Variants in ZNF808 observed in about 807,000 individuals in gnomAD.
The protein encoded by ZNF808 is zinc finger protein 808.
In ZNF808, 5 loss-of-function variants were observed where a neutral mutation model predicts 8.7. The ratio of observed to expected loss-of-function variants is 0.58; its 90% CI spans 0.30 to 1.21. The LOEUF (loss-of-function observed/expected upper bound fraction) is 1.21. Ranked by LOEUF, ZNF808 falls within the 50% of genes most tolerant of loss-of-function variation. The probability of loss-of-function intolerance (pLI) is 0.07; values close to 1 mark genes in which losing one functional copy is unlikely to be tolerated. For synonymous variants in ZNF808, 380 were observed against 366.0 expected (o/e 1.04, Z -0.44); for missense variants, 1,103 against 1,098.4 (o/e 1.00, Z -0.06).
At chr19:52,564,433 A>T (rs1001071699) in exon 4 of ZNF808, 5 of 280,664 alleles carry the variant, frequency 1.8e-5, no homozygotes, top group South Asian at 7.4e-5. Context: ...CAAAAAAAAA[A>T]TTTTAATGAC....
In ZNF808 at chr19:52,543,292, G is replaced by A. The variant is rs766396937; in HGVS notation, c.8G>A (p.Arg3His). 1.5e-5 allele frequency: 24 copies of A among 1,613,536 alleles called. No homozygotes were observed. Among genetic ancestry groups the A allele is most frequent in the Admixed American group, 3.3e-5 (2 of 59,960 alleles). The change falls in exon 3 of 5, where the codon CGT (arginine) becomes CAT (histidine). Residue 3 changes from arginine to histidine, a missense_variant. Transcript: ENST00000359798. Reference sequence around the variant, plus strand: ...ATTGATTTCTAAAGACTCATGTTACGTGAGGAAGCAGCTCAGAAGAGGAAA... The same window carrying A: ...ATTGATTTCTAAAGACTCATGTTACATGAGGAAGCAGCTCAGAAGAGGAAA... Reference protein sequence around the residue: MLREEAAQKRKGK... With the variant: MLHEEAAQKRKGK...
Position 52,553,727 on chromosome 19 carries a change from A to G in ZNF808, c.811A>G (p.Lys271Glu), listed in dbSNP as rs2059802043. The G allele has an allele frequency of 9.3e-6, 15 of 1,614,028 alleles. No individual in the cohort carries two copies. Among genetic ancestry groups the G allele is most frequent in the Middle Eastern group, 1.6e-4 (1 of 6,084 alleles). The change falls in exon 5 of 5, where the codon AAG (lysine) becomes GAG (glutamate). Residue 271 changes from lysine to glutamate, a missense_variant. Lys to Glu is a moderately conservative substitution (Grantham distance 56). Transcript: ENST00000359798. ...CDVCGKLFNHKQYLACHRRCH... is the reference protein window; with the variant it reads ...CDVCGKLFNHEQYLACHRRCH... ...TGTATGTGGCAAGCTCTTTAATCACAAGCAATACCTTGCATGCCATCGTAG... is the reference window on the plus strand; with the variant it reads ...TGTATGTGGCAAGCTCTTTAATCACGAGCAATACCTTGCATGCCATCGTAG...
At chr19:52,564,872 G>T (rs569927427), downstream of ZNF808, among the ~76,000 whole-genome samples, 161 of 152,222 alleles carry the variant, frequency 1.1e-3, 3 homozygotes, top group Non-Finnish European at 1.2e-4. Context: ...GGATCACGAG[G>T]TCGGGAGATT....
intron 3 of ZNF808, among the ~76,000 whole-genome samples, chr19:52,561,432 CCTTCAGG>C (rs1208065822): frequency 6.6e-6 from 1 of 151,908 alleles, no homozygotes; most frequent in Non-Finnish European, 1.5e-5. Context: ...AACATGGGAT[CCTTCAGG>C]CCCATGATCA....
At chr19:52,557,853 CTT>C (rs1218826399), downstream of ZNF808, among the ~76,000 whole-genome samples, 1 of 151,958 alleles carries the variant, frequency 6.6e-6, no homozygotes, top group Admixed American at 6.6e-5. Flanking sequence ...CCATGTAAGA[CTT>C]CACACACACC....
chr19:52,555,751 C>A lies in ZNF808; in HGVS notation c.*123C>A. ...GCATGTTTTTCAGACATTGTTCATA[C>A]ATTGCAGTTCATTGGCAACCTCATA... On this transcript the variant is annotated 3_prime_UTR_variant, in exon 5 of 5. Transcript: ENST00000359798. 7.3e-7 allele frequency: 1 copy of A among 1,363,262 alleles called. No homozygotes were observed. The highest frequency in any genetic ancestry group is 1.0e-6 in the Non-Finnish European group (1 of 982,694). The allele number at this position is 1,363,262 out of a possible 1,614,324, so 84.4% of individuals were successfully genotyped here. A position where few individuals can be genotyped will look rare whatever the true frequency, so the allele number is the denominator to read the frequency against.
At position 52,554,846 on chromosome 19, in the gene ZNF808, A is replaced by G; in HGVS notation, c.1930A>G (p.Ile644Val). The G allele has an allele frequency of 6.2e-7, 1 of 1,614,202 alleles. No individual in the cohort carries two copies. Among genetic ancestry groups the G allele is most frequent in the African/African-American group, 1.3e-5 (1 of 75,052 alleles). ...TTCACAGCTGGCACGACATACAAGA[A>G]TTCACACTGGAGAAAAAACTTACAA... ...WNSQLARHTR[I>V]HTGEKTYKCN... The change falls in exon 5 of 5, where the codon ATT becomes GTT. Residue 644 changes from isoleucine (I) to valine (V), a missense_variant. Coordinates refer to ENST00000359798, the MANE Select transcript of ZNF808 (RefSeq NM_001039886.4).
downstream of ZNF808, among the ~76,000 whole-genome samples, chr19:52,557,341 A>G (rs1414019703): frequency 4.0e-5 from 6 of 149,260 alleles, 1 homozygote; most frequent in Admixed American, 2.7e-4. Context: ...ATCTGGTGTC[A>G]CTGCAACGTC....
chr19:52,537,720 G>A (rs1599964451), intron 2 of ZNF808, among the ~76,000 whole-genome samples: 1 of 151,818 alleles, frequency 6.6e-6, no homozygotes, highest in Non-Finnish European at 1.5e-5. Flanking sequence ...GGGACTTTGG[G>A]TACAGATGAG....
chr19:52,539,298 AT>A (rs1224816327), intron 2 of ZNF808, among the ~76,000 whole-genome samples: 1 of 149,310 alleles, frequency 6.7e-6, no homozygotes, highest in East Asian at 2.0e-4. Context: ...GGTTCAAGGA[AT>A]TCTCTGCCTC....
intron 2 of ZNF808, 29 bp from the exon 3 acceptor site, chr19:52,543,237 C>A (rs751561048): frequency 6.2e-7 from 1 of 1,607,110 alleles, no homozygotes; most frequent in Non-Finnish European, 8.5e-7. Flanking sequence ...TCATTTCTAA[C>A]ATGAAGTCTT....
chr19:52,555,593 C>G lies in ZNF808; in HGVS notation c.2677C>G (p.His893Asp), dbSNP rs1403917367. The change falls in exon 5 of 5, where the codon CAT (histidine) becomes GAT (aspartate). Residue 893 changes from histidine to aspartate, a missense_variant. Transcript: ENST00000359798. ...AFSDRSTLIH[H>D]QAIHGIGKFD The stretch of plus-strand genomic sequence containing the variant: ...TAGTGACCGGTCAACACTTATTCAC[C>G]ATCAGGCAATTCATGGTATAGGGAA... 60 of 1,608,828 alleles carry G rather than the reference C, an allele frequency of 3.7e-5. No individual in the cohort carries two copies. The highest frequency in any genetic ancestry group is 4.9e-5 in the Non-Finnish European group (58 of 1,177,612).
At position 52,555,300 on chromosome 19, in the gene ZNF808, T is replaced by C. The variant is rs367797641; in HGVS notation, c.2384T>C (p.Val795Ala). The change falls in exon 5 of 5, where the codon GTT becomes GCT. Residue 795 changes from valine (V) to alanine (A), a missense_variant. Coordinates refer to ENST00000359798, the MANE Select transcript of ZNF808 (RefSeq NM_001039886.4). Reference protein sequence around the residue: ...HTGEKSYKCTVCDKAFVRNSY... With the variant: ...HTGEKSYKCTACDKAFVRNSY... ...GGAGAGAAATCTTACAAATGTACGG[T>C]TTGTGACAAGGCTTTCGTGCGTAAT... The C allele has an allele frequency of 7.2e-5, 117 of 1,613,930 alleles. No homozygotes were observed. Among genetic ancestry groups the C allele is most frequent in the Non-Finnish European group, 9.7e-5 (114 of 1,180,000 alleles).
At chr19:52,538,567 G>A (rs1022584852) in intron 2 of ZNF808, among the ~76,000 whole-genome samples, 3 of 150,254 alleles carry the variant, frequency 2.0e-5, no homozygotes, top group East Asian at 2.0e-4. Flanking sequence ...GGCAGAGGTT[G>A]TGGTGAGCTG....
intron 1 of ZNF808, among the ~76,000 whole-genome samples, chr19:52,529,005 A>G (rs2123050451): frequency 6.6e-6 from 1 of 152,024 alleles, no homozygotes; most frequent in African/African-American, 2.4e-5. Flanking sequence ...CCAGGGAGAA[A>G]GAAAAGAAAA....
rs768547889 is a variant in ZNF808, at chr19:52,554,865, C to G, written c.1949C>G (p.Thr650Ser). The G allele has an allele frequency of 1.9e-6, 3 of 1,614,198 alleles. No individual in the cohort carries two copies. Among genetic ancestry groups the G allele is most frequent in the Middle Eastern group, 1.6e-4 (1 of 6,062 alleles). ...RHTRIHTGEK[T>S]YKCNECGKTF... ...ACAAGAATTCACACTGGAGAAAAAA[C>G]TTACAAGTGTAATGAGTGTGGGAAG... The change falls in exon 5 of 5, where the codon ACT (threonine) becomes AGT (serine). Residue 650 changes from threonine (T) to serine (S), a missense_variant. By Grantham distance (58) the Thr-to-Ser change is moderately conservative (BLOSUM62 1). Coordinates refer to ENST00000359798, the MANE Select transcript of ZNF808 (RefSeq NM_001039886.4).
At chr19:52,559,256 TAGG>T (rs2059848897), downstream of ZNF808, among the ~76,000 whole-genome samples, 1 of 152,100 alleles carries the variant, frequency 6.6e-6, no homozygotes, top group Non-Finnish European at 1.5e-5. Context: ...TCTACTGAGA[TAGG>T]AGAAAACTGC....
intron 3 of ZNF808, among the ~76,000 whole-genome samples, chr19:52,562,940 A>AT: frequency 6.6e-6 from 1 of 151,798 alleles, no homozygotes; most frequent in Non-Finnish European, 1.5e-5. Flanking sequence ...TGCCCAGCTA[A>AT]TTTTTTTGTA....
Position 52,555,126 on chromosome 19 carries a change from G to A in ZNF808, c.2210G>A (p.Cys737Tyr), listed in dbSNP as rs1414558093. ...CATAGTGGTGAGAAACCTTACAAGT[G>A]TAGTGAGTGCAGCAAGACGTTCAGT... The part of the protein sequence containing the change: ...RIHSGEKPYK[C>Y]SECSKTFSQK... Residue 737 changes from cysteine (C) to tyrosine (Y), a missense_variant, in exon 5 of 5, where the codon TGT (cysteine) becomes TAT (tyrosine). Coordinates refer to ENST00000359798, the MANE Select transcript of ZNF808 (RefSeq NM_001039886.4). 4.3e-6 allele frequency: 7 copies of A among 1,614,166 alleles called. No individual in the cohort carries two copies. Among genetic ancestry groups the A allele is most frequent in the Non-Finnish European group, 5.1e-6 (6 of 1,180,020 alleles).
Sources: allele counts gnomAD v4.1 joint callset (sites outside exome capture counted in the v4.1 genomes callset), GRCh38; gene constraint gnomAD v4.1.1; transcripts MANE v1.5; gene names NCBI Gene and HGNC (gene_info 2026-07-23, HGNC 2026-07-21).